The following SON variants were observed in gnomAD, a reference collection of about 807,000 sequenced individuals.
SON encodes protein SON.
Under a neutral mutation model 173.3 loss-of-function variants are expected in SON, and 4 were observed. That is an observed-to-expected ratio of 0.02 (90% CI 0.01 to 0.05). The LOEUF is 0.05. SON is among the 10% of genes least tolerant of loss of function. The probability of loss-of-function intolerance (pLI) is 1.00; values close to 1 mark genes in which losing one functional copy is unlikely to be tolerated. For missense variants in SON, 2,626 were observed against 3,055.3 expected (o/e 0.86, Z 3.31); for synonymous variants, 1,190 against 1,105.9 (o/e 1.08, Z -1.51).
chr21:33,560,140 T>C, intron 6 of SON: 1 of 1,609,214 alleles, frequency 6.2e-7, no homozygotes, highest in East Asian at 2.2e-5. Flanking sequence ...AGCAAATTTA[T>C]CGGGTGGAGG....
intron 9 of SON, among the ~76,000 whole-genome samples, chr21:33,575,234 C>A: frequency 6.6e-6 from 1 of 152,048 alleles, no homozygotes; most frequent in East Asian, 1.9e-4. Flanking sequence ...CGGGGTTTCA[C>A]CATGTTGGCC....
chr21:33,546,395 T>TTA lies in SON; in HGVS notation c.244+17_244+18dup. The TTA allele has an allele frequency of 6.4e-7, 1 of 1,572,928 alleles. No individual in the cohort carries two copies. The highest frequency in any genetic ancestry group is 1.2e-5 in the South Asian group (1 of 82,836). ...TATAAGCCAGGTAAGTTGGAGATAATTAACTGTCTCAAAAATTTTCTTTTA... is the reference window on the plus strand; with the variant it reads ...TATAAGCCAGGTAAGTTGGAGATAATTATAACTGTCTCAAAAATTTTCTTTTA... On this transcript the variant is annotated intron_variant, in intron 2 of 11. Coordinates refer to ENST00000356577, the MANE Select transcript of SON (RefSeq NM_138927.4).
At chr21:33,576,273 G>A in intron 11 of SON, 92 bp from the exon 12 acceptor site, 1 of 748,300 alleles carries the variant, frequency 1.3e-6, no homozygotes, top group South Asian at 1.5e-5. Flanking sequence ...TTATATTTTT[G>A]TAAATTATTT....
At chr21:33,546,592 C>T in intron 2 of SON, 1 of 336,326 alleles carries the variant, frequency 3.0e-6, no homozygotes, top group Non-Finnish European at 5.4e-6. Flanking sequence ...CCAACCTGGT[C>T]AACATGGAGA....
intron 7 of SON, among the ~76,000 whole-genome samples, chr21:33,567,665 C>T (rs958500471): frequency 2.0e-5 from 3 of 152,066 alleles, no homozygotes; most frequent in Non-Finnish European, 2.9e-5. Flanking sequence ...TGCCTGTAAT[C>T]CCAGCACTTT....
intron 3 of SON, 121 bp from the exon 4 acceptor site, chr21:33,557,035 A>AG (rs2145845226): frequency 2.8e-6 from 2 of 709,968 alleles, no homozygotes; most frequent in Admixed American, 7.5e-5. Context: ...CTTTTTTGTT[A>AG]GATACCCAAG....
At chr21:33,571,545 G>A (rs1443092543) in intron 8 of SON, among the ~76,000 whole-genome samples, 21 of 152,220 alleles carry the variant, frequency 1.4e-4, no homozygotes, top group East Asian at 9.6e-4. Context: ...AAAGTAGTTC[G>A]TTTAAAAGAA....
chr21:33,543,897 A>G (rs1247368165), intron 1 of SON, among the ~76,000 whole-genome samples: 3 of 152,154 alleles, frequency 2.0e-5, no homozygotes, highest in African/African-American at 7.2e-5. Context: ...TTGACACGCT[A>G]TTTTTGTCAT....
chr21:33,550,153 G>T lies in SON; in HGVS notation c.922G>T (p.Val308Leu). ...GTTAGAGCCTTCAGAAACCCTTGTG[G>T]TATCATCAGAGACACCTACTGAGGT... Reference protein sequence around the residue: ...KVLEPSETLVVSSETPTEVYP... With the variant: ...KVLEPSETLVLSSETPTEVYP... Residue 308 changes from valine (V) to leucine (L), a missense_variant, in exon 3 of 12, where the codon GTA (valine) becomes TTA (leucine). Around this residue, in one of 13 missense-constraint regions of SON, gnomAD observed 757 missense variants for 730.1 expected, o/e 1.04. Transcript: ENST00000356577. 1.9e-6 allele frequency: 3 copies of T among 1,614,162 alleles called. No homozygotes were observed. The highest frequency in any genetic ancestry group is 2.5e-6 in the Non-Finnish European group (3 of 1,180,036).
At chr21:33,562,510 A>T (rs1045757612) in intron 6 of SON, among the ~76,000 whole-genome samples, 2 of 152,216 alleles carry the variant, frequency 1.3e-5, no homozygotes, top group Non-Finnish European at 2.9e-5. Context: ...GTAATCCCTA[A>T]TCCCACCAAT....
chr21:33,543,347 C>T (rs951031120), intron 1 of SON, 178 bp downstream of exon 1: 4 of 626,022 alleles, frequency 6.4e-6, no homozygotes, highest in African/African-American at 1.8e-5. Context: ...CGCTCCCTTC[C>T]TTTTCCCTCG....
chr21:33,545,606 CTT>C (rs948018631), intron 1 of SON, among the ~76,000 whole-genome samples: 1 of 152,190 alleles, frequency 6.6e-6, no homozygotes, highest in Non-Finnish European at 1.5e-5. Flanking sequence ...ATAAATGCCA[CTT>C]GTTTTATGTG....
chr21:33,567,202 A>G lies in SON; in HGVS notation c.6703A>G (p.Lys2235Glu), dbSNP rs750050162. 6.2e-7 allele frequency: 1 copy of G among 1,612,520 alleles called. No individual in the cohort carries two copies. ...TAMSERALAQ[K>E]RLSENAFDLE... ...AATGAGTGAACGGGCACTTGCTCAG[A>G]AAAGACTCAGTGAGAATGCATTTGA... Residue 2235 changes from lysine to glutamate, a missense_variant, in exon 7 of 12, where the codon AAA (lysine) becomes GAA (glutamate). Physicochemically the swap from Lys to Glu is moderately conservative, Grantham distance 56. Transcript: ENST00000356577.
chr21:33,551,815 G>T lies in SON; in HGVS notation c.2584G>T (p.Asp862Tyr). ...DSQMLATSSMDSQMLASGTMD... is the reference protein window; with the variant it reads ...DSQMLATSSMYSQMLASGTMD... ...CCAGATGTTAGCAACTAGCTCAATG[G>T]ATTCCCAGATGTTAGCATCTGGCAC... Residue 862 changes from aspartate (D) to tyrosine (Y), a missense_variant, in exon 3 of 12, where the codon GAT (aspartate) becomes TAT (tyrosine). This residue lies in a region of SON where 366 missense variants were observed against 448.6 expected (regional missense o/e 0.82). Coordinates refer to ENST00000356577, the MANE Select transcript of SON (RefSeq NM_138927.4). 6.2e-7 allele frequency: 1 copy of T among 1,613,688 alleles called. No homozygotes were observed.
At chr21:33,558,371 A>G (rs1323443190) in intron 4 of SON, 1 of 152,194 alleles carries the variant, frequency 6.6e-6, no homozygotes, top group Non-Finnish European at 1.5e-5. Flanking sequence ...CTCCTTAAAG[A>G]AACTCAACCC....
rs774075398 is a variant in SON, at chr21:33,553,053, A to G, written c.3822A>G (p.Glu1274=). 6.2e-7 allele frequency: 1 copy of G among 1,614,070 alleles called. No homozygotes were observed. Among genetic ancestry groups the G allele is most frequent in the South Asian group, 1.1e-5 (1 of 91,096 alleles). ...CTGCAGTAGTAGCAGAAGAACATGA[A>G]GTTGTTCCAGAGAGACCAGTGACTT... is the stretch of plus-strand genomic sequence containing the variant. ...VESAVVAEEH[E]VVPERPVTCM... The change falls in exon 3 of 12, where the codon GAA becomes GAG. Residue 1274 remains glutamate (E), a synonymous_variant. Coordinates refer to ENST00000356577, the MANE Select transcript of SON (RefSeq NM_138927.4).
intron 6 of SON, among the ~76,000 whole-genome samples, chr21:33,565,974 TCTC>T (rs2086162361): frequency 6.6e-6 from 1 of 152,266 alleles, no homozygotes; most frequent in Middle Eastern, 3.4e-3. Context: ...TTATAATTAT[TCTC>T]ATAGTCATAC....
chr21:33,555,190 A>T lies in SON; in HGVS notation c.5959A>T (p.Thr1987Ser). The T allele has an allele frequency of 1.3e-6, 2 of 1,572,894 alleles. No homozygotes were observed. The highest frequency in any genetic ancestry group is 1.7e-6 in the Non-Finnish European group (2 of 1,165,422). ...RSRTPSRRSRTPSRRSRTPSR... is the reference protein window; with the variant it reads ...RSRTPSRRSRSPSRRSRTPSR... ...CCGCACCCCCAGCCGCCGGAGCCGC[A>T]CCCCTAGCCGTCGGAGCCGCACCCC... Residue 1987 changes from threonine to serine, a missense_variant, in exon 3 of 12, where the codon ACC (threonine) becomes TCC (serine). Coordinates refer to ENST00000356577, the MANE Select transcript of SON (RefSeq NM_138927.4).
intron 8 of SON, chr21:33,572,451 T>C: frequency 3.1e-6 from 2 of 645,390 alleles, no homozygotes; most frequent in South Asian, 1.5e-5. Flanking sequence ...GGTTTGCTGC[T>C]TTGATGGAAA....
Sources: gnomAD v4.1 joint callset for allele counts (sites outside exome capture counted in the v4.1 genomes callset) on GRCh38, gnomAD v4.1.1 for gene constraint, gnomAD v4.1.1 regional missense constraint, MANE v1.5 for transcripts, NCBI Gene and HGNC (gene_info 2026-07-23, HGNC 2026-07-21) for gene names.